Variants in TEKT5 observed in about 807,000 individuals in gnomAD.
The protein encoded by TEKT5 is tektin 5.
Under a neutral mutation model 48.7 loss-of-function variants are expected in TEKT5, and 52 were observed. That is an observed-to-expected ratio of 1.07 (90% confidence interval 0.86 to 1.35). The LOEUF (loss-of-function observed/expected upper bound fraction) is 1.35. Among genes scored for constraint, TEKT5 ranks in the 40% most tolerant of loss-of-function variants. TEKT5 has a pLI of 0.00. For synonymous variants in TEKT5, 318 were observed against 267.6 expected (o/e 1.19, Z -1.84); for missense variants, 831 against 641.6 (o/e 1.30, Z -3.19).
At chr16:10,682,207 G>A in intron 3 of TEKT5, 71 bp from the exon 4 acceptor site, 2 of 1,541,630 alleles carry the variant, frequency 1.3e-6, no homozygotes, top group Non-Finnish European at 1.8e-6. Context: ...CACACAGCAG[G>A]TGTGTGTTGC....
At chr16:10,655,267 T>C (rs1898241559) in intron 5 of TEKT5, among the ~76,000 whole-genome samples, 1 of 152,144 alleles carries the variant, frequency 6.6e-6, no homozygotes, top group Non-Finnish European at 1.5e-5. Flanking sequence ...CACGTTCTTA[T>C]CGCTCCCAGT....
At chr16:10,677,875 C>T (rs966642838) in intron 4 of TEKT5, among the ~76,000 whole-genome samples, 6 of 152,126 alleles carry the variant, frequency 3.9e-5, no homozygotes, top group African/African-American at 1.4e-4. Flanking sequence ...AGAGGATAGT[C>T]GGCCATGCAG....
chr16:10,634,702 AT>A (rs1440481511), intron 6 of TEKT5, among the ~76,000 whole-genome samples: 1 of 152,138 alleles, frequency 6.6e-6, no homozygotes, highest in Non-Finnish European at 1.5e-5. Flanking sequence ...TGGTACTGTC[AT>A]TGTCCTTCTG....
At chr16:10,635,486 A>G (rs1342825531) in intron 6 of TEKT5, among the ~76,000 whole-genome samples, 1 of 152,112 alleles carries the variant, frequency 6.6e-6, no homozygotes, top group Non-Finnish European at 1.5e-5. Flanking sequence ...CTAGAGCACA[A>G]CAGAGTTACA....
At chr16:10,657,019 A>G (rs1332923066) in intron 5 of TEKT5, among the ~76,000 whole-genome samples, 12 of 152,126 alleles carry the variant, frequency 7.9e-5, no homozygotes, top group Non-Finnish European at 7.4e-5. Context: ...GATTACAGGT[A>G]TGAGGCATTG....
At chr16:10,665,449 C>G (rs1038848392) in intron 5 of TEKT5, among the ~76,000 whole-genome samples, 1 of 152,178 alleles carries the variant, frequency 6.6e-6, no homozygotes, top group Non-Finnish European at 1.5e-5. Flanking sequence ...ACAAAATGAG[C>G]TAGAAACAGT....
At chr16:10,650,273 GTAT>G (rs1178636774) in intron 5 of TEKT5, among the ~76,000 whole-genome samples, 1 of 151,728 alleles carries the variant, frequency 6.6e-6, no homozygotes, top group Non-Finnish European at 1.5e-5. Context: ...GCTGATTTTT[GTAT>G]TTTTAGTGGA....
At chr16:10,649,849 C>G (rs1056407715) in intron 5 of TEKT5, among the ~76,000 whole-genome samples, 7 of 152,116 alleles carry the variant, frequency 4.6e-5, no homozygotes, top group African/African-American at 1.7e-4. Context: ...GCGCTTGGTA[C>G]GTAGATAATG....
chr16:10,690,690 G>C, intron 1 of TEKT5: 1 of 985,424 alleles, frequency 1.0e-6, no homozygotes, highest in Non-Finnish European at 1.2e-6. Flanking sequence ...CTAGCCCTGG[G>C]CCTTACAACT....
In TEKT5 at chr16:10,681,849, C is replaced by T. The variant is rs530335525; in HGVS notation, c.863+144G>A. On this transcript the variant is annotated intron_variant, in intron 4 of 6. Coordinates refer to ENST00000283025, the MANE Select transcript of TEKT5 (RefSeq NM_144674.2). Reference sequence around the variant, plus strand: ...TAAGCTAACCCGACTTGGATTCTGCCGCCTGCGCTAGAGGATCCCCGTTCA... The same window carrying T: ...TAAGCTAACCCGACTTGGATTCTGCTGCCTGCGCTAGAGGATCCCCGTTCA... The T allele has an allele frequency of 4.5e-5, 50 of 1,123,150 alleles. 1 individual carries two copies. The highest frequency in any genetic ancestry group is 3.0e-4 in the African/African-American group (19 of 64,146). 69.6% of individuals were successfully genotyped at this position (1,123,150 alleles called of 1,614,324 possible). A position where few individuals can be genotyped will look rare whatever the true frequency, so the allele number is the denominator to read the frequency against.
At chr16:10,680,151 C>A (rs1898722265) in intron 4 of TEKT5, among the ~76,000 whole-genome samples, 1 of 152,216 alleles carries the variant, frequency 6.6e-6, no homozygotes, top group African/African-American at 2.4e-5. Context: ...GGCCCAGCCC[C>A]CAAAGTCCTG....
intron 5 of TEKT5, among the ~76,000 whole-genome samples, chr16:10,668,395 G>T (rs2719688): frequency 0.34 from 51,650 of 151,990 alleles, 9,927 homozygotes; most frequent in East Asian, 0.54. Flanking sequence ...GGGTAGCACA[G>T]GGCCAGGCTG....
At chr16:10,631,142 G>C (rs1897833962) in intron 6 of TEKT5, among the ~76,000 whole-genome samples, 1 of 150,758 alleles carries the variant, frequency 6.6e-6, no homozygotes, top group African/African-American at 2.4e-5. Flanking sequence ...TGTAATCCCA[G>C]ATACTCGGGA....
At chr16:10,628,208 C>A (rs1157813332) in intron 6 of TEKT5, among the ~76,000 whole-genome samples, 1 of 152,180 alleles carries the variant, frequency 6.6e-6, no homozygotes, top group Non-Finnish European at 1.5e-5. Context: ...GTGCCTGGCA[C>A]TGAGAGACAG....
rs747415035 is a variant in TEKT5 at position 10,643,215 on chromosome 16, TA to T, written c.1087-7298del. 2.0e-3 allele frequency among the ~76,000 whole-genome samples: 285 copies of T among 142,328 alleles called. 1 individual carries two copies. Among genetic ancestry groups the T allele is most frequent in the East Asian group, 2.8e-3 (14 of 4,960 alleles). The allele number at this position is 142,328 out of a possible 152,430, so 93.4% of individuals were successfully genotyped here. On this transcript the variant is annotated intron_variant, in intron 5 of 6. Transcript: ENST00000283025. ...GGGCAACACAGTGAGACCCCATCTC[TA>T]AAAAAAAAAAAAATTTTCTGGGCCT...
At chr16:10,668,307 CATG>C (rs879742592) in intron 5 of TEKT5, among the ~76,000 whole-genome samples, 2 of 152,214 alleles carry the variant, frequency 1.3e-5, no homozygotes, top group Non-Finnish European at 2.9e-5. Flanking sequence ...AGGTCGGCAT[CATG>C]ATGAGTCTTC....
rs375202859 is a variant in TEKT5, at chr16:10,676,725, A to C, written c.864-544T>G. 2.0e-4 allele frequency among the ~76,000 whole-genome samples: 30 copies of C among 152,314 alleles called. 1 individual carries two copies. In the South Asian group the frequency reaches 6.2e-3, roughly 32 times the overall value. On this transcript the variant is annotated intron_variant, in intron 4 of 6. Coordinates refer to ENST00000283025, the MANE Select transcript of TEKT5 (RefSeq NM_144674.2). Reference sequence around the variant, plus strand: ...ACTTTCACTGCCATTCATTCATGGAATATTTCTTCAACTTCTACGACATGC... The same window carrying C: ...ACTTTCACTGCCATTCATTCATGGACTATTTCTTCAACTTCTACGACATGC...
intron 2 of TEKT5, 118 bp from the exon 3 acceptor site, chr16:10,689,441 T>C (rs1424194969): frequency 1.1e-6 from 1 of 889,890 alleles, no homozygotes; most frequent in Admixed American, 2.4e-5. Flanking sequence ...CCCCAGGAGG[T>C]GAAATGTCAG....
chr16:10,688,513 T>C (rs1464194308), intron 3 of TEKT5, among the ~76,000 whole-genome samples: 1 of 152,126 alleles, frequency 6.6e-6, no homozygotes, highest in African/African-American at 2.4e-5. Flanking sequence ...TGCCAGGCTG[T>C]CCCGTGCTTT....
Sources: gnomAD v4.1 joint callset for allele counts (sites outside exome capture counted in the v4.1 genomes callset) on GRCh38, gnomAD v4.1.1 for gene constraint, MANE v1.5 for transcripts, NCBI Gene and HGNC (gene_info 2026-07-23, HGNC 2026-07-21) for gene names.